Variants in TENM3 observed in about 807,000 individuals in gnomAD.
TENM3 encodes teneurin-3.
A neutral mutation model predicts 255.1 loss-of-function variants in TENM3; 63 were observed. That is an observed-to-expected ratio of 0.25 (90% confidence interval 0.20 to 0.30). The LOEUF (loss-of-function observed/expected upper bound fraction) is 0.30. Ranked by LOEUF, TENM3 falls within the 10% of genes least tolerant of loss-of-function variation. TENM3 has a pLI of 1.00. For synonymous variants in TENM3, 1,306 were observed against 1,322.3 expected, an observed-to-expected ratio of 0.99 and a Z score of 0.27; for missense variants, 2,929 against 3,461.1, an observed-to-expected ratio of 0.85 and a Z score of 3.86.
At chr4:181,868,580 T>G in the TENM3 span, among the ~76,000 whole-genome samples, 1 of 152,178 alleles carries the variant, frequency 6.6e-6, no homozygotes, top group Admixed American at 6.5e-5. Flanking sequence ...CTTAATAAAT[T>G]ACAACTTGCC....
chr4:182,695,375 CA>C (rs1561121985), intron 12 of TENM3, among the ~76,000 whole-genome samples: 1 of 152,178 alleles, frequency 6.6e-6, no homozygotes, highest in Admixed American at 6.5e-5. Flanking sequence ...ATAAAACTTG[CA>C]AATCAGCTGA....
intron 22 of TENM3, among the ~76,000 whole-genome samples, chr4:182,766,908 C>A (rs1308112414): frequency 6.6e-6 from 1 of 152,140 alleles, no homozygotes; most frequent in Admixed American, 6.5e-5. Flanking sequence ...AATTCTCACC[C>A]CTTTCTCATC....
At chr4:182,073,579 A>G in the TENM3 span, among the ~76,000 whole-genome samples, 2 of 152,202 alleles carry the variant, frequency 1.3e-5, no homozygotes, top group South Asian at 4.1e-4. Flanking sequence ...GCAAACGAAT[A>G]CAAAAGGTGT....
chr4:182,181,238 C>T (rs901270685), intron 1 of TENM3, among the ~76,000 whole-genome samples: 1 of 152,212 alleles, frequency 6.6e-6, no homozygotes, highest in Middle Eastern at 3.4e-3. Flanking sequence ...CCCCCTGAAC[C>T]TTGAACCTAA....
At chr4:181,648,622 A>G in the TENM3 span, among the ~76,000 whole-genome samples, 10 of 152,334 alleles carry the variant, frequency 6.6e-5, no homozygotes, top group Admixed American at 6.5e-4. Flanking sequence ...GATAGAGGTA[A>G]GGAAACTTAA....
chr4:181,745,677 T>C, the TENM3 span, among the ~76,000 whole-genome samples: 1 of 152,140 alleles, frequency 6.6e-6, no homozygotes, highest in Non-Finnish European at 1.5e-5. Context: ...AGCTCACTTC[T>C]CCGTTTTATT....
the TENM3 span, among the ~76,000 whole-genome samples, chr4:181,625,378 A>C: frequency 6.6e-6 from 1 of 152,216 alleles, no homozygotes. Context: ...ATTTGTGAGA[A>C]GTGCAGAGAT....
At position 182,737,083 on chromosome 4, in the gene TENM3, C is replaced by T; in HGVS notation, c.3235+8C>T. 2.5e-6 allele frequency: 4 copies of T among 1,603,880 alleles called. No individual in the cohort carries two copies. In the East Asian group the frequency reaches 8.9e-5, roughly 36 times the overall value. On this transcript the variant is annotated splice_region_variant and intron_variant, in intron 17 of 27. Coordinates refer to ENST00000511685, the MANE Select transcript of TENM3 (RefSeq NM_001080477.4). Reference sequence around the variant, plus strand: ...GTCTATCTGAAGCTGTTGGTAAGTTCCATATAAATCTTTGCTGCAGTGAAG... The same window carrying T: ...GTCTATCTGAAGCTGTTGGTAAGTTTCATATAAATCTTTGCTGCAGTGAAG...
chr4:181,817,580 A>C, the TENM3 span, among the ~76,000 whole-genome samples: 1 of 152,188 alleles, frequency 6.6e-6, no homozygotes, highest in African/African-American at 2.4e-5. Context: ...TTAATCCTCA[A>C]TGTAACAGTA....
chr4:181,875,592 A>G, the TENM3 span, among the ~76,000 whole-genome samples: 1 of 152,088 alleles, frequency 6.6e-6, no homozygotes, highest in Admixed American at 6.6e-5. Flanking sequence ...TGTCCCATTT[A>G]CTCACAAATT....
intron 1 of TENM3, among the ~76,000 whole-genome samples, chr4:182,265,310 T>G (rs1279009992): frequency 6.6e-6 from 1 of 152,152 alleles, no homozygotes; most frequent in African/African-American, 2.4e-5. Flanking sequence ...TTTGCACACT[T>G]GGATCAGAGA....
In TENM3 at chr4:182,792,912, C is replaced by T; in HGVS notation, c.6240C>T (p.His2080=). 3 of 1,613,852 alleles carry T rather than the reference C, an allele frequency of 1.9e-6. No individual in the cohort carries two copies. The highest frequency in any genetic ancestry group is 2.5e-6 in the Non-Finnish European group (3 of 1,179,856). The change falls in exon 26 of 28, where the codon CAC becomes CAT. Residue 2080 remains histidine (H), a synonymous_variant. Coordinates refer to ENST00000511685, the MANE Select transcript of TENM3 (RefSeq NM_001080477.4). This position sits in a 1 kb window ranked among gnomAD's most constrained non-coding sequence, Gnocchi z 6.3. ...CAGCTGTAATGACCTATACGAAGCACTTTGATGCTCATGGCCGTATCAAGG... is the reference window on the plus strand; with the variant it reads ...CAGCTGTAATGACCTATACGAAGCATTTTGATGCTCATGGCCGTATCAAGG... The part of the protein sequence containing the change: ...ISTAVMTYTK[H]FDAHGRIKEI...
At chr4:182,303,638 G>A (rs1422853942) in intron 1 of TENM3, among the ~76,000 whole-genome samples, 1 of 152,066 alleles carries the variant, frequency 6.6e-6, no homozygotes, top group African/African-American at 2.4e-5. Context: ...CTTGGTGGGG[G>A]GGGTGACTTA....
intron 3 of TENM3, among the ~76,000 whole-genome samples, chr4:182,579,707 CT>C (rs79759869): frequency 0.45 from 67,875 of 151,864 alleles, 16,446 homozygotes; most frequent in African/African-American, 0.61. Flanking sequence ...GAAAACTTCT[CT>C]TTTTTTCCGC....
At chr4:181,532,515 A>G in the TENM3 span, among the ~76,000 whole-genome samples, 1 of 152,212 alleles carries the variant, frequency 6.6e-6, no homozygotes, top group African/African-American at 2.4e-5. Context: ...ACAAATGGAA[A>G]ATGTTCAATA....
the TENM3 span, among the ~76,000 whole-genome samples, chr4:182,066,382 C>T: frequency 6.6e-6 from 1 of 151,924 alleles, no homozygotes; most frequent in African/African-American, 2.4e-5. Flanking sequence ...TCTGTAAATA[C>T]TAACTAGTGA....
intron 6 of TENM3, among the ~76,000 whole-genome samples, chr4:182,664,264 T>C (rs1754463091): frequency 6.6e-6 from 1 of 152,236 alleles, no homozygotes. Flanking sequence ...AACTTTTTCA[T>C]TATTATTAGA....
At chr4:181,457,949 T>C in the TENM3 span, among the ~76,000 whole-genome samples, 3 of 151,926 alleles carry the variant, frequency 2.0e-5, no homozygotes, top group Non-Finnish European at 4.4e-5. Flanking sequence ...ACATAGCTTA[T>C]TTTTAAATTT....
At chr4:181,970,169 T>G in the TENM3 span, among the ~76,000 whole-genome samples, 1 of 152,230 alleles carries the variant, frequency 6.6e-6, no homozygotes, top group African/African-American at 2.4e-5. Flanking sequence ...CTAACTTTTA[T>G]TGATTCATAA....
Sources: gnomAD v4.1 joint callset for allele counts (sites outside exome capture counted in the v4.1 genomes callset) on GRCh38, gnomAD v4.1.1 for gene constraint, Gnocchi (gnomAD v3.1) non-coding constraint, MANE v1.5 for transcripts, NCBI Gene and HGNC (gene_info 2026-07-23, HGNC 2026-07-21) for gene names.